PACS2: variants seen among roughly 807,000 people sequenced by gnomAD.
The protein encoded by PACS2 is PACS1-like protein.
In PACS2, 36 loss-of-function variants were observed where a neutral mutation model predicts 113.0. That is an observed-to-expected ratio of 0.32 (90% CI 0.24 to 0.42). The LOEUF (loss-of-function observed/expected upper bound fraction) is 0.42, where lower values mean the gene tolerates loss of function less well. Among genes scored for constraint, PACS2 ranks in the 10% least tolerant of loss-of-function variants. The pLI is 1.00. For missense variants in PACS2, 1,015 were observed against 1,239.5 expected, an observed-to-expected ratio of 0.82 and a Z score of 2.72; for synonymous variants, 589 against 536.1, an observed-to-expected ratio of 1.10 and a Z score of -1.36.
Position 105,384,366 on chromosome 14 carries a change from G to A in PACS2, c.1794G>A (p.Val598=). The change falls in exon 17 of 25, where the codon GTG becomes GTA. Residue 598 remains valine, a synonymous_variant. Transcript: ENST00000447393. ...FLVIPLGSHP[V]ARYLGSVDYR... ...CCTGGCATGCAGGCTCCCACCCCGTGGCCAGGTACCTAGGCTCCGTGGACT... is the reference window on the plus strand; with the variant it reads ...CCTGGCATGCAGGCTCCCACCCCGTAGCCAGGTACCTAGGCTCCGTGGACT... The A allele has an allele frequency of 6.2e-7, 1 of 1,609,544 alleles. No homozygotes were observed.
intron 1 of PACS2, among the ~76,000 whole-genome samples, chr14:105,306,137 G>A (rs1201537076): frequency 3.3e-5 from 5 of 152,186 alleles, no homozygotes; most frequent in Admixed American, 6.5e-5. Flanking sequence ...GAACGTGCTC[G>A]TAACACTTAG....
Position 105,314,935 on chromosome 14 carries a change from G to A in PACS2, c.17G>A (p.Arg6His). The A allele has an allele frequency of 2.7e-6, 3 of 1,129,806 alleles. No individual in the cohort carries two copies. Among genetic ancestry groups the A allele is most frequent in the Non-Finnish European group, 2.2e-6 (2 of 908,100 alleles). 70.0% of individuals were successfully genotyped at this position (1,129,806 alleles called of 1,614,324 possible). ...GCCGGCGCCATGGCCGAGCGAGGCC[G>A]CCTCGGCCTCCCCGGCGCGCCCGGC... MAERG[R>H]LGLPGAPGAL... The change falls in exon 1 of 25, where the codon CGC becomes CAC. Residue 6 changes from arginine to histidine, a missense_variant. Arg to His is a conservative substitution (Grantham distance 29, BLOSUM62 0). This residue lies in a region of PACS2 where 140 missense variants were observed against 135.1 expected (regional missense o/e 1.04). Transcript: ENST00000447393.
At chr14:105,362,333 G>C (rs1267137365) in intron 4 of PACS2, among the ~76,000 whole-genome samples, 2 of 150,812 alleles carry the variant, frequency 1.3e-5, no homozygotes, top group Admixed American at 6.6e-5. Flanking sequence ...CAGGAGAATG[G>C]TGTGAACCTG....
At chr14:105,361,585 T>C (rs1467341635) in intron 4 of PACS2, among the ~76,000 whole-genome samples, 1 of 151,804 alleles carries the variant, frequency 6.6e-6, no homozygotes, top group African/African-American at 2.4e-5. Context: ...TGCAGTGAGC[T>C]GAGATTGCAC....
At chr14:105,311,011 G>A (rs2058338059), upstream of PACS2, among the ~76,000 whole-genome samples, 1 of 152,176 alleles carries the variant, frequency 6.6e-6, no homozygotes, top group African/African-American at 2.4e-5. Context: ...GGAGTGCAGT[G>A]GCACAATCTT....
rs587675341 is a variant in PACS2 at position 105,315,746 on chromosome 14, C to G, written c.119+709C>G. Among the ~76,000 whole-genome samples, 1 of 152,236 alleles carries G rather than the reference C, an allele frequency of 6.6e-6. No individual in the cohort carries two copies. Among genetic ancestry groups the G allele is most frequent in the Non-Finnish European group, 1.5e-5 (1 of 68,032 alleles). On this transcript the variant is annotated intron_variant, in intron 1 of 24. Coordinates refer to ENST00000447393, the MANE Select transcript of PACS2 (RefSeq NM_001100913.3). The surrounding 1 kb of genome is among the most constrained non-coding windows in gnomAD (Gnocchi z 4.4). ...CCAGCCTTCCTTGGACTTGCAGCTT[C>G]CCTGAGTCTCCTGCTCAGTTTGAAA...
Position 105,348,697 on chromosome 14 carries a change from C to A in PACS2, c.207+117C>A. ...CCTTGTGCCAAAACAGCGGGCAGCC[C>A]ATGCCATCTCCGGGAGCCCGGGGGG... On this transcript the variant is annotated intron_variant, in intron 2 of 24. Transcript: ENST00000447393. The surrounding 1 kb of genome is among the most constrained non-coding windows in gnomAD (Gnocchi z 6.4). 1.3e-6 allele frequency: 1 copy of A among 774,682 alleles called. No homozygotes were observed. Among genetic ancestry groups the A allele is most frequent in the Non-Finnish European group, 2.2e-6 (1 of 450,592 alleles). The allele number at this position is 774,682 out of a possible 1,614,324, so 48.0% of individuals were successfully genotyped here.
intron 1 of PACS2, among the ~76,000 whole-genome samples, chr14:105,303,381 C>G (rs1457434693): frequency 6.6e-6 from 1 of 152,132 alleles, no homozygotes; most frequent in Admixed American, 6.5e-5. Flanking sequence ...GTAGCTGGGA[C>G]TACAGGTGCC....
Position 105,355,380 on chromosome 14 carries a change from C to T in PACS2, c.423+203C>T, listed in dbSNP as rs73359063. ...TGCTTCCTCTCTGACCTTCCCTTGC[C>T]GCCTAGCATGGCTCCCCGCATGCCT... On this transcript the variant is annotated intron_variant, in intron 4 of 24. Transcript: ENST00000447393. The surrounding 1 kb of genome is among the most constrained non-coding windows in gnomAD (Gnocchi z 4.1). Among the ~76,000 whole-genome samples the T allele has an allele frequency of 0.024, 3,716 of 152,362 alleles. 158 individuals carry two copies. Among genetic ancestry groups the T allele is most frequent in the African/African-American group, 0.086 (3,566 of 41,576 alleles).
rs1305528220 is a variant in PACS2 at position 105,328,290 on chromosome 14, T to C, written c.119+13253T>C. Among the ~76,000 whole-genome samples the C allele has an allele frequency of 2.6e-5, 4 of 152,184 alleles. No individual in the cohort carries two copies. The South Asian group carries it at 8.3e-4, about 31-fold the overall frequency. On this transcript the variant is annotated intron_variant, in intron 1 of 24. Coordinates refer to ENST00000447393, the MANE Select transcript of PACS2 (RefSeq NM_001100913.3). ...GGGAGGAGGCAGCTGTCCAGGGTTG[T>C]CCTCACCTCTCCTCCTGGAGAATGT...
Position 105,391,701 on chromosome 14 carries a change from G to C in PACS2, c.2190G>C (p.Ala730=), listed in dbSNP as rs368303452. 1 of 1,604,180 alleles carries C rather than the reference G, an allele frequency of 6.2e-7. No homozygotes were observed. Among genetic ancestry groups the C allele is most frequent in the Non-Finnish European group, 8.5e-7 (1 of 1,176,146 alleles). The change falls in exon 22 of 25, where the codon GCG becomes GCC. Residue 730 remains alanine, a synonymous_variant. Coordinates refer to ENST00000447393, the MANE Select transcript of PACS2 (RefSeq NM_001100913.3). ...CCACCCCGCCGTCCGCATCTCCTGC[G>C]GCCAAGGAGGCCTCACCCACCCCGC... ...LSSTPPSASP[A]AKEASPTPPS... is the part of the protein sequence containing the mutation.
In PACS2 at chr14:105,324,873, G is replaced by A. The variant is rs587766739; in HGVS notation, c.119+9836G>A. 9.2e-5 allele frequency among the ~76,000 whole-genome samples: 14 copies of A among 152,230 alleles called. No individual in the cohort carries two copies. Among genetic ancestry groups the A allele is most frequent in the African/African-American group, 2.4e-4 (10 of 41,548 alleles). On this transcript the variant is annotated intron_variant, in intron 1 of 24. Transcript: ENST00000447393. The surrounding 1 kb of genome is among the most constrained non-coding windows in gnomAD (Gnocchi z 4.7). ...CTGGGTCCCCTGGGGTGCAGATGCC[G>A]CTCAACAGAGGAGTCAGGACCCAAA...
chr14:105,349,134 G>C (rs1223707675), intron 2 of PACS2, among the ~76,000 whole-genome samples: 1 of 152,218 alleles, frequency 6.6e-6, no homozygotes, highest in African/African-American at 2.4e-5. Context: ...CCCTCCTTGG[G>C]GTAGAGCTGC....
chr14:105,305,153 C>A (rs1266304125), intron 1 of PACS2, among the ~76,000 whole-genome samples: 1 of 152,138 alleles, frequency 6.6e-6, no homozygotes, highest in Non-Finnish European at 1.5e-5. Context: ...GTGATCTCAG[C>A]ACTTTGGGAG....
In PACS2 at chr14:105,357,986, G is replaced by A. The variant is rs1457102585; in HGVS notation, c.423+2809G>A. On this transcript the variant is annotated intron_variant, in intron 4 of 24. Coordinates refer to ENST00000447393, the MANE Select transcript of PACS2 (RefSeq NM_001100913.3). The surrounding 1 kb of genome is among the most constrained non-coding windows in gnomAD (Gnocchi z 5.1). ...AGAGGATGTGGGGGGCACCTGCCCA[G>A]GACCTCCAGGCTGTGGGGAGACCAG... Among the ~76,000 whole-genome samples the A allele has an allele frequency of 2.0e-5, 3 of 152,204 alleles. No homozygotes were observed. The highest frequency in any genetic ancestry group is 7.2e-5 in the African/African-American group (3 of 41,458).
chr14:105,376,968 A>G lies in PACS2; in HGVS notation c.959+43A>G. 1.3e-6 allele frequency: 2 copies of G among 1,545,526 alleles called. No individual in the cohort carries two copies. Among genetic ancestry groups the G allele is most frequent in the South Asian group, 2.4e-5 (2 of 82,228 alleles). The stretch of plus-strand genomic sequence containing the variant: ...GGGCGGGGAGGAACAGCCATTTCAG[A>G]TGCCCCGGCCACTCTGCGACCACTC... On this transcript the variant is annotated intron_variant, in intron 9 of 24. Coordinates refer to ENST00000447393, the MANE Select transcript of PACS2 (RefSeq NM_001100913.3). The surrounding 1 kb of genome is among the most constrained non-coding windows in gnomAD (Gnocchi z 4.7).
upstream of PACS2, among the ~76,000 whole-genome samples, chr14:105,314,115 C>G (rs894007582): frequency 1.6e-4 from 24 of 152,320 alleles, no homozygotes; most frequent in South Asian, 2.1e-4. Context: ...GCTTCGAGTC[C>G]CCGCGACCGC....
At chr14:105,342,162 G>C (rs1201393074) in intron 1 of PACS2, among the ~76,000 whole-genome samples, 1 of 152,054 alleles carries the variant, frequency 6.6e-6, no homozygotes, top group Non-Finnish European at 1.5e-5. Context: ...CTCCCCAAAT[G>C]CCTCTTGTGG....
In PACS2 at chr14:105,330,361, G is replaced by A. The variant is rs1477051319; in HGVS notation, c.119+15324G>A. The stretch of plus-strand genomic sequence containing the variant: ...GGAGCCTCCAAGAAGCCTGGGGTCC[G>A]TGTGTCCGTAGGAACGGGGGACAGG... On this transcript the variant is annotated intron_variant, in intron 1 of 24. Coordinates refer to ENST00000447393, the MANE Select transcript of PACS2 (RefSeq NM_001100913.3). The surrounding 1 kb of genome is among the most constrained non-coding windows in gnomAD (Gnocchi z 6.9). 1.3e-5 allele frequency among the ~76,000 whole-genome samples: 2 copies of A among 152,008 alleles called. No individual in the cohort carries two copies. Among genetic ancestry groups the A allele is most frequent in the South Asian group, 2.1e-4 (1 of 4,820 alleles).
Sources: allele counts gnomAD v4.1 joint callset (sites outside exome capture counted in the v4.1 genomes callset), GRCh38; gene constraint gnomAD v4.1.1; regional missense constraint gnomAD v4.1.1; non-coding constraint Gnocchi (gnomAD v3.1); transcripts MANE v1.5; gene names NCBI Gene and HGNC (gene_info 2026-07-23, HGNC 2026-07-21).